Variants in ACCSL observed in about 807,000 individuals in gnomAD.
The protein encoded by ACCSL is 1-aminocyclopropane-1-carboxylate synthase homolog (inactive) like.
ACCSL carries 55 observed loss-of-function variants against 61.7 expected under a neutral mutation model. That is an observed-to-expected ratio of 0.89 (90% CI 0.72 to 1.12). The LOEUF (loss-of-function observed/expected upper bound fraction) is 1.12. Among genes scored for constraint, ACCSL ranks in the 50% most tolerant of loss-of-function variants. The pLI is 0.00. For missense variants in ACCSL, 632 were observed against 698.0 expected (o/e 0.91, Z 1.07); for synonymous variants, 258 against 264.3 (o/e 0.98, Z 0.23).
the ACCSL span, among the ~76,000 whole-genome samples, chr11:43,955,133 G>A: frequency 5.3e-5 from 8 of 152,154 alleles, no homozygotes; most frequent in African/African-American, 1.9e-4. Context: ...ATAGCTGGTA[G>A]CGAGTCAGGT....
rs776302493 is a variant in ACCSL at position 44,056,219 on chromosome 11, T to C, written c.1220T>C (p.Leu407Pro). ...ATCTCTGGCTTCCGCTTTGGTGCTC[T>C]GTATACCCACAACAAGGAGGTGGCC... ...FGISGFRFGA[L>P]YTHNKEVASA... The change falls in exon 11 of 14, where the codon CTG (leucine) becomes CCG (proline). Residue 407 changes from leucine (L) to proline (P), a missense_variant. Transcript: ENST00000378832. 3 of 1,614,234 alleles carry C rather than the reference T, an allele frequency of 1.9e-6. No homozygotes were observed. In the East Asian group the frequency reaches 6.7e-5, roughly 36 times the overall value.
At chr11:44,053,358 A>C in intron 7 of ACCSL, 48 bp from the exon 8 acceptor site, 2 of 1,567,304 alleles carry the variant, frequency 1.3e-6, no homozygotes, top group South Asian at 2.2e-5. Flanking sequence ...AATTTAGGGT[A>C]GATGCTAAGG....
the ACCSL span, among the ~76,000 whole-genome samples, chr11:43,923,355 ATCTTAAG>A: frequency 6.6e-6 from 1 of 152,164 alleles, no homozygotes; most frequent in African/African-American, 2.4e-5. Flanking sequence ...GTAGTGTTGA[ATCTTAAG>A]TCTTGATTAT....
intron 13 of ACCSL, 139 bp downstream of exon 13, chr11:44,058,838 C>T: frequency 6.4e-6 from 7 of 1,101,432 alleles, no homozygotes; most frequent in Non-Finnish European, 8.8e-6. Context: ...GTTAGGTGCT[C>T]TTGCAAACAA....
chr11:43,970,636 C>A, the ACCSL span, among the ~76,000 whole-genome samples: 1 of 152,196 alleles, frequency 6.6e-6, no homozygotes, highest in African/African-American at 2.4e-5. Flanking sequence ...TTTTAAAAAA[C>A]CCAACCATTT....
At chr11:43,982,791 G>A in the ACCSL span, among the ~76,000 whole-genome samples, 3 of 152,200 alleles carry the variant, frequency 2.0e-5, no homozygotes, top group African/African-American at 4.8e-5. Context: ...CCCCAGAAGC[G>A]AGTCTGAGTA....
the ACCSL span, among the ~76,000 whole-genome samples, chr11:43,923,596 A>G: frequency 6.6e-6 from 1 of 152,224 alleles, no homozygotes; most frequent in African/African-American, 2.4e-5. Context: ...TGATTCCTGC[A>G]TCTGGGTGTC....
At chr11:44,058,784 C>T in intron 13 of ACCSL, 85 bp downstream of exon 13, 3 of 1,461,490 alleles carry the variant, frequency 2.1e-6, no homozygotes, top group Non-Finnish European at 2.8e-6. Context: ...CTTAAACATC[C>T]TATAGATCTA....
chr11:44,050,976 G>A (rs867975184), intron 3 of ACCSL, among the ~76,000 whole-genome samples: 2 of 151,858 alleles, frequency 1.3e-5, no homozygotes, highest in South Asian at 4.2e-4. Context: ...CGAGTAGCTG[G>A]GACTACAGGT....
chr11:43,935,707 G>T, the ACCSL span, among the ~76,000 whole-genome samples: 1 of 152,132 alleles, frequency 6.6e-6, no homozygotes. Flanking sequence ...TGCTCAGGCT[G>T]GCCGGAAACT....
upstream of ACCSL, among the ~76,000 whole-genome samples, chr11:44,046,365 C>T (rs997633379): frequency 1.3e-5 from 2 of 152,180 alleles, no homozygotes; most frequent in African/African-American, 2.4e-5. Context: ...TGGCCAAAGT[C>T]TTCATTTATG....
At chr11:44,003,611 C>A in the ACCSL span, among the ~76,000 whole-genome samples, 129 of 150,824 alleles carry the variant, frequency 8.6e-4, no homozygotes, top group Non-Finnish European at 1.6e-3. Context: ...CCACTACACT[C>A]CAGTCTGGGC....
chr11:44,035,874 G>C, the ACCSL span, among the ~76,000 whole-genome samples: 2 of 147,200 alleles, frequency 1.4e-5, no homozygotes, highest in African/African-American at 5.0e-5. Context: ...GAAGGTAGAG[G>C]TTGCAGTGAG....
chr11:43,973,602 A>G, the ACCSL span, among the ~76,000 whole-genome samples: 1 of 152,144 alleles, frequency 6.6e-6, no homozygotes, highest in Non-Finnish European at 1.5e-5. Context: ...AGGGTAGCGT[A>G]ATTTGATTGC....
At chr11:43,935,711 G>A in the ACCSL span, among the ~76,000 whole-genome samples, 17 of 152,138 alleles carry the variant, frequency 1.1e-4, no homozygotes, top group South Asian at 1.9e-3. Flanking sequence ...CAGGCTGGCC[G>A]GAAACTCCCG....
chr11:44,029,953 G>C, the ACCSL span, among the ~76,000 whole-genome samples: 1 of 149,062 alleles, frequency 6.7e-6, no homozygotes, highest in Non-Finnish European at 1.5e-5. Context: ...GTCAAACCAG[G>C]GTCCCCTGGG....
the ACCSL span, among the ~76,000 whole-genome samples, chr11:44,026,947 C>T: frequency 2.0e-5 from 3 of 152,126 alleles, no homozygotes; most frequent in Non-Finnish European, 2.9e-5. Flanking sequence ...AGGCTGGTCT[C>T]GAATTCCCAA....
In ACCSL at chr11:44,053,066, G is replaced by C; in HGVS notation, c.946G>C (p.Glu316Gln). 1 of 1,613,650 alleles carries C rather than the reference G, an allele frequency of 6.2e-7. No individual in the cohort carries two copies. Among genetic ancestry groups the C allele is most frequent in the Non-Finnish European group, 8.5e-7 (1 of 1,179,612 alleles). The change falls in exon 7 of 14, where the codon GAG becomes CAG. Residue 316 changes from glutamate (E) to glutamine (Q), a missense_variant and splice_region_variant. By Grantham distance (29) the Glu-to-Gln change is conservative. Transcript: ENST00000378832. ...GGAAGCCCTGCTTGAAGCTAGGCTT[G>C]AGGTAAGGTGGGAACCATATTTTTA... ...LEEALLEARL[E>Q]GKKVRGLVLI...
upstream of ACCSL, among the ~76,000 whole-genome samples, chr11:44,047,030 AAAAAC>A (rs1271924599): frequency 2.6e-5 from 4 of 152,154 alleles, no homozygotes; most frequent in African/African-American, 9.7e-5. Context: ...AAAAAAAAAC[AAAAAC>A]AAAACAAAAC....
Sources: gnomAD v4.1 joint callset for allele counts (sites outside exome capture counted in the v4.1 genomes callset) on GRCh38, gnomAD v4.1.1 for gene constraint, MANE v1.5 for transcripts, NCBI Gene and HGNC (gene_info 2026-07-23, HGNC 2026-07-21) for gene names.